Variants in APBB1IP observed in about 807,000 individuals in gnomAD.
APBB1IP encodes amyloid beta A4 precursor protein-binding family B member 1-interacting protein.
APBB1IP carries 27 observed loss-of-function variants against 64.9 expected under a neutral mutation model. The observed-to-expected ratio is 0.42, with a 90% CI of 0.31 to 0.57. The LOEUF (loss-of-function observed/expected upper bound fraction) is 0.57, where lower values mean the gene tolerates loss of function less well. Ranked by LOEUF, APBB1IP falls within the 20% of genes least tolerant of loss-of-function variation. The probability of loss-of-function intolerance (pLI) is 0.20; values close to 1 mark genes in which losing one functional copy is unlikely to be tolerated. For synonymous variants in APBB1IP, 392 were observed against 331.0 expected (o/e 1.18, Z -2.00); for missense variants, 812 against 845.5 (o/e 0.96, Z 0.49).
At chr10:26,488,261 A>G (rs1370335060) in intron 2 of APBB1IP, among the ~76,000 whole-genome samples, 1 of 149,414 alleles carries the variant, frequency 6.7e-6, no homozygotes, top group Non-Finnish European at 1.5e-5. Context: ...TTTTTGAGAG[A>G]GTCTCGCTGT....
intron 2 of APBB1IP, among the ~76,000 whole-genome samples, chr10:26,452,739 G>A (rs1835478724): frequency 6.6e-6 from 1 of 150,606 alleles, no homozygotes; most frequent in South Asian, 2.1e-4. Flanking sequence ...ATTTCATCCT[G>A]GTGCAGTCTG....
intron 4 of APBB1IP, among the ~76,000 whole-genome samples, chr10:26,497,721 A>ATTTTTTTTTTTT (rs895511347): frequency 1.0e-5 from 1 of 100,336 alleles, no homozygotes; most frequent in East Asian, 3.2e-4. Context: ...TGTCCTCTGG[A>ATTTTTTTTTTTT]TTTTTTTTTT....
intron 8 of APBB1IP, among the ~76,000 whole-genome samples, chr10:26,529,132 C>T (rs74428694): frequency 0.044 from 6,658 of 152,270 alleles, 146 homozygotes; most frequent in South Asian, 0.085. Flanking sequence ...CAAGCTATGA[C>T]CAAGAGTCTC....
At chr10:26,500,210 C>CAA (rs199918930) in intron 4 of APBB1IP, among the ~76,000 whole-genome samples, 1,129 of 86,284 alleles carry the variant, frequency 0.013, 14 homozygotes, top group African/African-American at 0.038. Context: ...GACTCTGTCT[C>CAA]AAAAAAAAAA....
chr10:26,545,894 T>G (rs1836759482), intron 11 of APBB1IP, among the ~76,000 whole-genome samples: 1 of 151,776 alleles, frequency 6.6e-6, no homozygotes. Context: ...GAGGTTGCAG[T>G]GAGCCAAGAT....
intron 2 of APBB1IP, among the ~76,000 whole-genome samples, chr10:26,475,124 CTT>C (rs757288624): frequency 2.1e-4 from 29 of 138,088 alleles, no homozygotes; most frequent in Admixed American, 4.4e-4. Context: ...TTTTTCTTTT[CTT>C]TTTTTTTTTT....
chr10:26,545,810 C>A (rs1483980819), intron 11 of APBB1IP, among the ~76,000 whole-genome samples: 1 of 149,374 alleles, frequency 6.7e-6, no homozygotes, highest in South Asian at 2.1e-4. Flanking sequence ...ATTAGCTGGG[C>A]GTGGTGGCAC....
intron 2 of APBB1IP, among the ~76,000 whole-genome samples, chr10:26,442,141 T>C (rs1468028888): frequency 6.6e-6 from 1 of 152,084 alleles, no homozygotes; most frequent in Non-Finnish European, 1.5e-5. Context: ...CAGAGTTGAG[T>C]GCTGTGGGAC....
intron 8 of APBB1IP, among the ~76,000 whole-genome samples, chr10:26,527,467 A>C (rs1429126495): frequency 6.6e-6 from 1 of 151,120 alleles, no homozygotes. Flanking sequence ...GGATCATTTG[A>C]GCTCAGGAGT....
At chr10:26,491,980 T>C (rs1239616566) in intron 2 of APBB1IP, among the ~76,000 whole-genome samples, 1 of 152,196 alleles carries the variant, frequency 6.6e-6, no homozygotes, top group Admixed American at 6.5e-5. Flanking sequence ...CAAGCTGGTC[T>C]CAAACTCCTG....
rs1318862189 is a variant in APBB1IP at position 26,551,919 on chromosome 10, A to ATGGG, written c.1156-8178_1156-8175dup. On this transcript the variant is annotated intron_variant, in intron 11 of 14. Transcript: ENST00000376236. ...GATTAATGGATGGGTGGATGGACAG[A>ATGGG]TGGGTGGGTGGATGGATGGATGGAT... Among the ~76,000 whole-genome samples, 13 of 134,892 alleles carry ATGGG rather than the reference A, an allele frequency of 9.6e-5. No homozygotes were observed. In the East Asian group the frequency reaches 2.0e-3, roughly 21 times the overall value. 88.5% of individuals were successfully genotyped at this position (134,892 alleles called of 152,430 possible). A position where few individuals can be genotyped will look rare whatever the true frequency, so the allele number is the denominator to read the frequency against.
At chr10:26,532,770 A>G (rs1284507253) in intron 8 of APBB1IP, among the ~76,000 whole-genome samples, 1 of 152,148 alleles carries the variant, frequency 6.6e-6, no homozygotes, top group Non-Finnish European at 1.5e-5. Context: ...GATTATGGGC[A>G]TGAGCCACAC....
intron 2 of APBB1IP, among the ~76,000 whole-genome samples, chr10:26,442,287 G>A (rs1189680583): frequency 6.6e-6 from 1 of 152,126 alleles, no homozygotes; most frequent in Non-Finnish European, 1.5e-5. Flanking sequence ...TTATCTTTAC[G>A]TGTGCCTTGA....
intron 2 of APBB1IP, among the ~76,000 whole-genome samples, chr10:26,464,386 T>A (rs1835625985): frequency 6.6e-6 from 1 of 152,278 alleles, no homozygotes; most frequent in South Asian, 2.1e-4. Context: ...GCTCATTTAG[T>A]CCTCGTGACA....
At chr10:26,465,817 G>A (rs1835641661) in intron 2 of APBB1IP, among the ~76,000 whole-genome samples, 2 of 152,332 alleles carry the variant, frequency 1.3e-5, no homozygotes, top group South Asian at 4.1e-4. Flanking sequence ...GAAGTGGAAA[G>A]GATGAGAGGC....
chr10:26,559,087 T>C (rs1174830532), intron 11 of APBB1IP, among the ~76,000 whole-genome samples: 1 of 152,136 alleles, frequency 6.6e-6, no homozygotes, highest in Non-Finnish European at 1.5e-5. Context: ...GTTTTGGGAG[T>C]TATAAACCCA....
chr10:26,506,343 G>A (rs956426058), intron 6 of APBB1IP, among the ~76,000 whole-genome samples: 2 of 151,408 alleles, frequency 1.3e-5, no homozygotes, highest in African/African-American at 4.9e-5. Flanking sequence ...AAATTCCTGG[G>A]CTCAAGTGAT....
chr10:26,508,380 A>C (rs1836210165), intron 6 of APBB1IP, among the ~76,000 whole-genome samples: 1 of 150,942 alleles, frequency 6.6e-6, no homozygotes, highest in African/African-American at 2.4e-5. Flanking sequence ...CCATTTATAA[A>C]TTTTAGTATA....
intron 2 of APBB1IP, among the ~76,000 whole-genome samples, chr10:26,483,693 C>A (rs1466508735): frequency 6.6e-6 from 1 of 151,908 alleles, no homozygotes; most frequent in East Asian, 1.9e-4. Flanking sequence ...ATTTTTATAC[C>A]TCCTCTGTTG....
Sources: allele counts gnomAD v4.1 joint callset (sites outside exome capture counted in the v4.1 genomes callset), GRCh38; gene constraint gnomAD v4.1.1; transcripts MANE v1.5; gene names NCBI Gene and HGNC (gene_info 2026-07-23, HGNC 2026-07-21).